NTM: variants seen among roughly 807,000 people sequenced by gnomAD.
NTM encodes the protein neurotrimin.
In NTM, 13 loss-of-function variants were observed where a neutral mutation model predicts 42.1. The observed-to-expected ratio is 0.31, with a 90% CI of 0.20 to 0.49. The LOEUF is 0.49. Ranked by LOEUF, NTM falls within the 20% of genes least tolerant of loss-of-function variation. NTM has a pLI of 0.99. For synonymous variants in NTM, 187 were observed against 179.2 expected (o/e 1.04, Z -0.35); for missense variants, 373 against 452.8 (o/e 0.82, Z 1.60).
chr11:131,485,265 GGAAGGAT>G (rs1289281273), intron 1 of NTM, among the ~76,000 whole-genome samples: 10 of 151,782 alleles, frequency 6.6e-5, no homozygotes, highest in Non-Finnish European at 4.4e-5. Flanking sequence ...GAGGCTGGGA[GGAAGGAT>G]GAAGGATGAA....
chr11:132,095,147 T>C (rs1331163858), intron 2 of NTM, among the ~76,000 whole-genome samples: 1 of 152,202 alleles, frequency 6.6e-6, no homozygotes, highest in Non-Finnish European at 1.5e-5. Context: ...ACCTACTTTG[T>C]GGCTGCAGTG....
intron 2 of NTM, among the ~76,000 whole-genome samples, chr11:132,045,482 C>T (rs1009470054): frequency 6.6e-6 from 1 of 151,996 alleles, no homozygotes; most frequent in Non-Finnish European, 1.5e-5. Flanking sequence ...TTGTGTATTC[C>T]CTTATATTCG....
chr11:131,770,950 C>T (rs1252867941), intron 1 of NTM: 1 of 152,218 alleles, frequency 6.6e-6, no homozygotes, highest in Non-Finnish European at 1.5e-5. Flanking sequence ...GTGACCCAAA[C>T]AGTGGTTTTT....
intron 2 of NTM, among the ~76,000 whole-genome samples, chr11:131,946,811 T>A (rs1177798192): frequency 6.6e-6 from 1 of 152,214 alleles, no homozygotes; most frequent in Non-Finnish European, 1.5e-5. Context: ...TTTTGTAAGG[T>A]TCCATAACAT....
chr11:131,647,130 T>C (rs900843210), intron 1 of NTM, among the ~76,000 whole-genome samples: 2 of 152,196 alleles, frequency 1.3e-5, no homozygotes, highest in African/African-American at 2.4e-5. Flanking sequence ...TCAGTGGGAT[T>C]ATATCCCCCA....
Position 131,680,991 on chromosome 11 carries a change from G to A in NTM, c.83-230573G>A, listed in dbSNP as rs1250165552. On this transcript the variant is annotated intron_variant, in intron 1 of 8. Coordinates refer to ENST00000683400, the MANE Select transcript of NTM (RefSeq NM_001352005.2). Reference sequence around the variant, plus strand: ...TCTGTATGTCTCCCTGTGTGTGTGAGCGTGTGTGTTTCTGTGTCTGTATGT... The same window carrying A: ...TCTGTATGTCTCCCTGTGTGTGTGAACGTGTGTGTTTCTGTGTCTGTATGT... Among the ~76,000 whole-genome samples, 3 of 36,620 alleles carry A rather than the reference G, an allele frequency of 8.2e-5. 1 individual carries two copies. The highest frequency in any genetic ancestry group is 2.0e-4 in the Non-Finnish European group (3 of 15,098). 24.0% of individuals were successfully genotyped at this position (36,620 alleles called of 152,430 possible).
chr11:131,485,888 C>T (rs139074987), intron 1 of NTM, among the ~76,000 whole-genome samples: 6 of 152,234 alleles, frequency 3.9e-5, no homozygotes, highest in African/African-American at 9.6e-5. Context: ...CTTCATTTCT[C>T]GAGATCCTAG....
rs1053851514 is a variant in NTM at position 131,911,195 on chromosome 11, C to G, written c.83-369C>G. The G allele has an allele frequency of 7.3e-6, 10 of 1,367,496 alleles. No homozygotes were observed. The African/African-American group carries it at 1.3e-4, about 18-fold the overall frequency. 84.7% of individuals were successfully genotyped at this position (1,367,496 alleles called of 1,614,324 possible). ...CACACCTTTCACCTGCCGCGCGCTT[C>G]CCCCTCCTCGGCCACCTTCCCGGCG... On this transcript the variant is annotated intron_variant, in intron 1 of 8. Coordinates refer to ENST00000683400, the MANE Select transcript of NTM (RefSeq NM_001352005.2).
intron 3 of NTM, among the ~76,000 whole-genome samples, chr11:132,177,961 G>T (rs193211925): frequency 6.6e-6 from 1 of 152,154 alleles, no homozygotes; most frequent in Non-Finnish European, 1.5e-5. Context: ...ATGTTCCAAC[G>T]CAATTTTATT....
intron 1 of NTM, among the ~76,000 whole-genome samples, chr11:131,864,096 G>A (rs1217425281): frequency 6.6e-6 from 1 of 152,090 alleles, no homozygotes; most frequent in Non-Finnish European, 1.5e-5. Flanking sequence ...GAGAGGCAGG[G>A]AGTTAGATCA....
chr11:131,624,133 G>A (rs2062855998), intron 1 of NTM, among the ~76,000 whole-genome samples: 1 of 152,214 alleles, frequency 6.6e-6, no homozygotes, highest in Admixed American at 6.5e-5. Flanking sequence ...GCAGACAATA[G>A]GGTTCAGATT....
chr11:131,664,617 G>A lies in NTM; in HGVS notation c.83-246947G>A, dbSNP rs111704106. 5.0e-3 allele frequency among the ~76,000 whole-genome samples: 754 copies of A among 152,088 alleles called. 6 individuals carry two copies. The highest frequency in any genetic ancestry group is 0.017 in the African/African-American group (708 of 41,488). On this transcript the variant is annotated intron_variant, in intron 1 of 8. Coordinates refer to ENST00000683400, the MANE Select transcript of NTM (RefSeq NM_001352005.2). ...ACACGCGCCATACGTTGCGGTTCCCGTGTCTTCTTCCTATATGTTAATTTG... is the reference window on the plus strand; with the variant it reads ...ACACGCGCCATACGTTGCGGTTCCCATGTCTTCTTCCTATATGTTAATTTG...
chr11:132,326,049 G>C (rs533486798), intron 7 of NTM, among the ~76,000 whole-genome samples: 1 of 152,116 alleles, frequency 6.6e-6, no homozygotes, highest in Admixed American at 6.5e-5. Context: ...GATAGCATTA[G>C]GATATATACC....
At chr11:131,832,087 C>T (rs77825450) in intron 1 of NTM, among the ~76,000 whole-genome samples, 6,946 of 151,114 alleles carry the variant, frequency 0.046, 552 homozygotes, top group African/African-American at 0.16. Flanking sequence ...GAAAGCACTT[C>T]GTTCCAAAAC....
At chr11:131,597,699 G>A (rs7112944) in intron 1 of NTM, among the ~76,000 whole-genome samples, 57,185 of 152,100 alleles carry the variant, frequency 0.38, 14,047 homozygotes, top group African/African-American at 0.7. Context: ...CAGAGTGAGG[G>A]GGAGGCAAAA....
chr11:132,235,720 A>G (rs1056141480), intron 4 of NTM, among the ~76,000 whole-genome samples: 3 of 152,100 alleles, frequency 2.0e-5, no homozygotes, highest in Non-Finnish European at 4.4e-5. Context: ...AATTCCACAC[A>G]ATTCTATATG....
At chr11:131,638,318 G>C (rs769358594) in intron 1 of NTM, among the ~76,000 whole-genome samples, 2 of 152,152 alleles carry the variant, frequency 1.3e-5, no homozygotes, top group African/African-American at 2.4e-5. Context: ...TGTAATCCCA[G>C]CACTTTGGGA....
chr11:131,554,418 T>A (rs1490634695), intron 1 of NTM, among the ~76,000 whole-genome samples: 2 of 152,132 alleles, frequency 1.3e-5, no homozygotes, highest in African/African-American at 4.8e-5. Flanking sequence ...TTTAATCACA[T>A]GAGACTTTTG....
At chr11:131,523,725 G>T (rs867841283) in intron 1 of NTM, among the ~76,000 whole-genome samples, 1 of 138,696 alleles carries the variant, frequency 7.2e-6, no homozygotes, top group Non-Finnish European at 1.5e-5. Flanking sequence ...GGTGGCAGAG[G>T]TTGCAGTGAG....
Sources: gnomAD v4.1 joint callset for allele counts (sites outside exome capture counted in the v4.1 genomes callset) on GRCh38, gnomAD v4.1.1 for gene constraint, MANE v1.5 for transcripts, NCBI Gene and HGNC (gene_info 2026-07-23, HGNC 2026-07-21) for gene names.